UBAP1: variants seen among roughly 807,000 people sequenced by gnomAD.
UBAP1 encodes the protein ubiquitin associated protein 1, also known as ubiquitin-associated protein 1.
In UBAP1, 5 loss-of-function variants were observed where a neutral mutation model predicts 39.0. That is an observed-to-expected ratio of 0.13 (90% CI 0.07 to 0.27). The LOEUF is 0.27. Among genes scored for constraint, UBAP1 ranks in the 10% least tolerant of loss-of-function variants. The pLI is 1.00. For synonymous variants in UBAP1, 211 were observed against 225.1 expected (o/e 0.94, Z 0.56); for missense variants, 490 against 608.1 (o/e 0.81, Z 2.04).
At chr9:34,186,887 G>A (rs1274802587) in intron 1 of UBAP1, among the ~76,000 whole-genome samples, 2 of 151,748 alleles carry the variant, frequency 1.3e-5, no homozygotes. Flanking sequence ...CATGGTTTGT[G>A]TTTTGTGTTT....
chr9:34,189,621 A>G (rs1468710677), intron 1 of UBAP1, among the ~76,000 whole-genome samples: 1 of 152,030 alleles, frequency 6.6e-6, no homozygotes, highest in Non-Finnish European at 1.5e-5. Context: ...GAACTTTCAA[A>G]TTTGGAAATT....
intron 3 of UBAP1, among the ~76,000 whole-genome samples, chr9:34,239,144 A>C (rs563626293): frequency 6.6e-6 from 1 of 152,360 alleles, no homozygotes; most frequent in South Asian, 2.1e-4. Flanking sequence ...TCCCAGGTTC[A>C]AGAGATTCTC....
intron 1 of UBAP1, among the ~76,000 whole-genome samples, chr9:34,180,807 T>G (rs1829974426): frequency 6.6e-6 from 1 of 151,830 alleles, no homozygotes; most frequent in African/African-American, 2.4e-5. Context: ...TTTTTTTTTT[T>G]TTGTTTCTTT....
chr9:34,236,370 A>C (rs990704780), intron 3 of UBAP1, among the ~76,000 whole-genome samples: 4 of 152,164 alleles, frequency 2.6e-5, no homozygotes, highest in Non-Finnish European at 4.4e-5. Flanking sequence ...GGTTTGTGTA[A>C]ATACACTCTG....
rs138735485 is a variant in UBAP1, at chr9:34,206,758, C to G, written c.-7-14150C>G. On this transcript the variant is annotated intron_variant, in intron 1 of 6. Transcript: ENST00000297661. ...TAATGTTACTATACCTTTGATCCAT[C>G]TGGAATTTATCTTGGTATGCAGTGT... Among the ~76,000 whole-genome samples, 32 of 152,176 alleles carry G rather than the reference C, an allele frequency of 2.1e-4. 1 individual carries two copies. In the East Asian group the frequency reaches 5.6e-3, roughly 27 times the overall value.
At chr9:34,217,690 C>A (rs147040866) in intron 1 of UBAP1, among the ~76,000 whole-genome samples, 55 of 145,230 alleles carry the variant, frequency 3.8e-4, no homozygotes, top group African/African-American at 1.4e-3. Flanking sequence ...TGAGTAAGAT[C>A]ATACAAAATT....
chr9:34,199,687 TACA>T (rs1470749167), intron 1 of UBAP1, among the ~76,000 whole-genome samples: 2 of 151,336 alleles, frequency 1.3e-5, no homozygotes, highest in Non-Finnish European at 2.9e-5. Context: ...CAGGCTGGAG[TACA>T]GTGGCATGAT....
intron 6 of UBAP1, 70 bp from the exon 7 acceptor site, chr9:34,251,322 C>G (rs749054875): frequency 4.6e-6 from 7 of 1,535,840 alleles, no homozygotes; most frequent in Non-Finnish European, 5.4e-6. Flanking sequence ...GTCCCACACA[C>G]ACACTCCTTC....
intron 3 of UBAP1, among the ~76,000 whole-genome samples, chr9:34,240,979 A>G (rs1447379600): frequency 1.3e-5 from 2 of 152,196 alleles, no homozygotes; most frequent in Admixed American, 6.5e-5. Context: ...TGCTGCCCAC[A>G]AGAGGCTTGT....
At chr9:34,251,132 C>G (rs967501784) in intron 6 of UBAP1, among the ~76,000 whole-genome samples, 4 of 152,170 alleles carry the variant, frequency 2.6e-5, no homozygotes. Context: ...GGTGGTGGGA[C>G]CCAGACAGAG....
intron 1 of UBAP1, chr9:34,212,138 A>C (rs2131556877): frequency 4.7e-6 from 1 of 210,528 alleles, no homozygotes; most frequent in African/African-American, 2.3e-5. Flanking sequence ...ATTGATTATA[A>C]ATTTTTTTCC....
intron 1 of UBAP1, among the ~76,000 whole-genome samples, chr9:34,205,829 T>G: frequency 6.6e-6 from 1 of 152,186 alleles, no homozygotes; most frequent in East Asian, 1.9e-4. Context: ...CCGTCTCTAC[T>G]AAAAATACAA....
intron 2 of UBAP1, among the ~76,000 whole-genome samples, chr9:34,223,605 C>G (rs1832878683): frequency 6.6e-6 from 1 of 152,138 alleles, no homozygotes; most frequent in Non-Finnish European, 1.5e-5. Context: ...AGGTGCCTGC[C>G]ACCATGCCCA....
At chr9:34,210,877 C>A (rs2131554629) in intron 1 of UBAP1, among the ~76,000 whole-genome samples, 1 of 151,336 alleles carries the variant, frequency 6.6e-6, no homozygotes, top group South Asian at 2.1e-4. Flanking sequence ...AATAATTTGT[C>A]AACCTTTGTG....
At chr9:34,196,377 G>T (rs879621170) in intron 1 of UBAP1, among the ~76,000 whole-genome samples, 1 of 150,438 alleles carries the variant, frequency 6.6e-6, no homozygotes, top group African/African-American at 2.4e-5. Flanking sequence ...GTGCAATGGC[G>T]TGATCTCGGC....
chr9:34,216,136 C>T (rs1399110762), intron 1 of UBAP1, among the ~76,000 whole-genome samples: 1 of 144,614 alleles, frequency 6.9e-6, no homozygotes, highest in East Asian at 2.3e-4. Context: ...ACGCGTCTTT[C>T]TGGCCCTCTC....
chr9:34,250,666 C>T lies in UBAP1; in HGVS notation c.1275C>T (p.Asp425=). 1 of 1,612,854 alleles carries T rather than the reference C, an allele frequency of 6.2e-7. No homozygotes were observed. The highest frequency in any genetic ancestry group is 1.7e-4 in the Middle Eastern group (1 of 6,056). Residue 425 remains aspartate (D), a synonymous_variant, in exon 6 of 7, where the codon GAC becomes GAT. Coordinates refer to ENST00000297661, the MANE Select transcript of UBAP1 (RefSeq NM_016525.5). ...KKGENIEQIL[D]YLFAHGQLCE... ...CTTGTTTCTTTTCTTAGATTCTCGACTATCTCTTTGCACATGGACAGCTTT... is the reference window on the plus strand; with the variant it reads ...CTTGTTTCTTTTCTTAGATTCTCGATTATCTCTTTGCACATGGACAGCTTT...
intron 1 of UBAP1, among the ~76,000 whole-genome samples, chr9:34,184,630 G>GA (rs560379399): frequency 0.35 from 32,617 of 94,078 alleles, 5,680 homozygotes; most frequent in East Asian, 0.74. Context: ...GACTCCGTCT[G>GA]AAAAAAAAAA....
chr9:34,211,951 G>C, intron 1 of UBAP1: 1 of 396,652 alleles, frequency 2.5e-6, no homozygotes, highest in South Asian at 1.9e-5. Context: ...GAATATCACT[G>C]ATAAGTTGTT....
Sources: allele counts gnomAD v4.1 joint callset (sites outside exome capture counted in the v4.1 genomes callset), GRCh38; gene constraint gnomAD v4.1.1; transcripts MANE v1.5; gene names NCBI Gene and HGNC (gene_info 2026-07-23, HGNC 2026-07-21).